Variants in RTL4 observed in about 807,000 individuals in gnomAD.
RTL4 encodes the protein retrotransposon Gag like 4.
In RTL4, 4 loss-of-function variants were observed where a neutral mutation model predicts 5.3. The ratio of observed to expected loss-of-function variants is 0.75; its 90% CI spans 0.37 to 1.72. The LOEUF (loss-of-function observed/expected upper bound fraction) is 1.72. Among genes scored for constraint, RTL4 ranks in the 40% most tolerant of loss-of-function variants. RTL4 has a pLI of 0.04. For missense variants in RTL4, 260 were observed against 227.1 expected (o/e 1.14, Z -0.93); for synonymous variants, 98 against 87.3 (o/e 1.12, Z -0.68).
At chrX:112,323,858 A>G in the RTL4 span, among the ~76,000 whole-genome samples, 8 of 112,341 alleles carry the variant, frequency 7.1e-5, no homozygotes, top group Non-Finnish European at 1.1e-4. Context: ...GATTTTTCAT[A>G]TACTGTCTAG....
At chrX:112,186,987 G>C in the RTL4 span, among the ~76,000 whole-genome samples, 1 of 111,737 alleles carries the variant, frequency 8.9e-6, no homozygotes, top group African/African-American at 3.3e-5. Context: ...TTTTCTCCCA[G>C]GTTGATGTTA....
chrX:112,231,912 T>G, the RTL4 span, among the ~76,000 whole-genome samples: 1 of 111,573 alleles, frequency 9.0e-6, no homozygotes, highest in Non-Finnish European at 1.9e-5. Flanking sequence ...GCCCTGATCC[T>G]CTAACTTGAG....
At chrX:112,435,174 G>A in the RTL4 span, among the ~76,000 whole-genome samples, 6 of 111,128 alleles carry the variant, frequency 5.4e-5, no homozygotes, top group Non-Finnish European at 1.1e-4. Flanking sequence ...GTGAGATTTC[G>A]GTTGGGACAC....
At chrX:112,208,250 C>T in the RTL4 span, among the ~76,000 whole-genome samples, 4 of 111,741 alleles carry the variant, frequency 3.6e-5, no homozygotes, top group African/African-American at 9.8e-5. Flanking sequence ...ATCACTGATG[C>T]TTAGACAGAT....
At chrX:112,175,985 G>A in the RTL4 span, among the ~76,000 whole-genome samples, 1 of 110,410 alleles carries the variant, frequency 9.1e-6, no homozygotes, top group South Asian at 3.8e-4. Flanking sequence ...AAACCCCATT[G>A]TCTCAGCCCA....
the RTL4 span, among the ~76,000 whole-genome samples, chrX:112,113,490 G>A: frequency 9.0e-6 from 1 of 111,525 alleles, no homozygotes; most frequent in Non-Finnish European, 1.9e-5. Context: ...GAGGACAGCT[G>A]TCCCGGACAG....
the RTL4 span, among the ~76,000 whole-genome samples, chrX:112,361,713 C>T: frequency 1.8e-5 from 2 of 110,773 alleles, no homozygotes; most frequent in African/African-American, 6.5e-5. Flanking sequence ...GTTCTGGTCT[C>T]GTGAATGTGT....
chrX:112,112,774 A>G, the RTL4 span, among the ~76,000 whole-genome samples: 5 of 111,543 alleles, frequency 4.5e-5, no homozygotes, highest in African/African-American at 1.6e-4. Flanking sequence ...CTATCCCTAA[A>G]CCCTTGGGGC....
the RTL4 span, among the ~76,000 whole-genome samples, chrX:112,356,835 C>T: frequency 9.0e-6 from 1 of 111,443 alleles, no homozygotes; most frequent in East Asian, 2.9e-4. Context: ...GATTGGTAAA[C>T]CCTGGATCAT....
At chrX:112,138,180 C>G in the RTL4 span, among the ~76,000 whole-genome samples, 8 of 112,286 alleles carry the variant, frequency 7.1e-5, no homozygotes, top group Admixed American at 7.6e-4. Context: ...TTATATGATA[C>G]TGCTTTTTAA....
At chrX:112,174,445 T>G in the RTL4 span, among the ~76,000 whole-genome samples, 6 of 103,732 alleles carry the variant, frequency 5.8e-5, no homozygotes, top group Non-Finnish European at 9.8e-5. Context: ...TATTCCATGG[T>G]GTATATGTGC....
At chrX:112,330,269 T>G in the RTL4 span, among the ~76,000 whole-genome samples, 4 of 108,122 alleles carry the variant, frequency 3.7e-5, no homozygotes, top group Middle Eastern at 9.3e-3. Flanking sequence ...CCCCATTGTC[T>G]CAGCCCAAAA....
At chrX:112,268,724 T>C in the RTL4 span, among the ~76,000 whole-genome samples, 15 of 112,096 alleles carry the variant, frequency 1.3e-4, no homozygotes, top group Admixed American at 1.3e-3. Flanking sequence ...GGAGAGAGCA[T>C]CTTGTTAGAT....
the RTL4 span, among the ~76,000 whole-genome samples, chrX:112,310,405 TA>T: frequency 3.6e-4 from 12 of 33,285 alleles, no homozygotes; most frequent in East Asian, 0.011. Context: ...TATATATATA[TA>T]TATATATATT....
chrX:112,293,590 G>C, the RTL4 span, among the ~76,000 whole-genome samples: 1 of 111,922 alleles, frequency 8.9e-6, no homozygotes, highest in African/African-American at 3.3e-5. Context: ...GACTACCTTG[G>C]GGAAGATCAA....
At chrX:112,403,135 T>TC in the RTL4 span, among the ~76,000 whole-genome samples, 47 of 111,084 alleles carry the variant, frequency 4.2e-4, no homozygotes, top group African/African-American at 1.5e-3. Context: ...AATAAATGCA[T>TC]CCCCCCCAAC....
chrX:112,369,833 G>A, the RTL4 span, among the ~76,000 whole-genome samples: 2 of 111,704 alleles, frequency 1.8e-5, no homozygotes, highest in South Asian at 3.7e-4. Context: ...AAATGAATGT[G>A]TTAAGAAATG....
chrX:112,096,422 G>A, the RTL4 span, among the ~76,000 whole-genome samples: 1 of 111,502 alleles, frequency 9.0e-6, no homozygotes, highest in South Asian at 3.8e-4. Context: ...TCACAGATAT[G>A]TTAACTATAT....
the RTL4 span, among the ~76,000 whole-genome samples, chrX:112,240,253 G>T: frequency 9.0e-6 from 1 of 111,290 alleles, no homozygotes; most frequent in Non-Finnish European, 1.9e-5. Flanking sequence ...CAGATGAATA[G>T]AAATTGTCCA....
Sources: allele counts gnomAD v4.1 joint callset (sites outside exome capture counted in the v4.1 genomes callset), GRCh38; gene constraint gnomAD v4.1.1; transcripts MANE v1.5; gene names NCBI Gene and HGNC (gene_info 2026-07-23, HGNC 2026-07-21).